Variants in FASTK observed in about 807,000 individuals in gnomAD.
FASTK encodes Fas activated serine/threonine kinase, also known as fas-activated serine/threonine kinase.
In FASTK, 28 loss-of-function variants were observed where a neutral mutation model predicts 60.0. The observed-to-expected ratio is 0.47, with a 90% CI of 0.35 to 0.64. The LOEUF (loss-of-function observed/expected upper bound fraction) is 0.64. FASTK is among the 30% of genes least tolerant of loss of function. FASTK has a pLI of 0.01. For missense variants in FASTK, 595 were observed against 713.8 expected (o/e 0.83, Z 1.90); for synonymous variants, 325 against 307.9 (o/e 1.06, Z -0.58).
chr7:151,077,175 G>A lies in FASTK; in HGVS notation c.1353C>T (p.Phe451=). The A allele has an allele frequency of 6.2e-7, 1 of 1,613,364 alleles. No individual in the cohort carries two copies. The highest frequency in any genetic ancestry group is 8.5e-7 in the Non-Finnish European group (1 of 1,179,784). Residue 451 remains phenylalanine (F), a synonymous_variant, in exon 8 of 10, where the codon TTC becomes TTT. Coordinates refer to ENST00000297532, the MANE Select transcript of FASTK (RefSeq NM_006712.5). The stretch of plus-strand genomic sequence containing the variant: ...GGCAGGACCTTGGTGGGTATGGCAG[G>A]AAGGGGTCCTGGGTCCTCACGGGAA... ...AVLPVRTQDP[F]LPYPPRSCPQ...
At chr7:151,079,063 G>A in intron 2 of FASTK, 42 bp from the exon 3 acceptor site, 1 of 1,405,074 alleles carries the variant, frequency 7.1e-7, no homozygotes, top group Non-Finnish European at 9.3e-7. Context: ...ACAGAGCTGT[G>A]CTGCTGTTCT....
chr7:151,080,557 G>A (rs1311572221), intron 1 of FASTK, 128 bp downstream of exon 1: 5 of 1,312,112 alleles, frequency 3.8e-6, no homozygotes, highest in African/African-American at 1.5e-5. Context: ...TTGCGATGGC[G>A]CGGAGTCGGC....
intron 2 of FASTK, 64 bp from the exon 3 acceptor site, chr7:151,079,085 T>C (rs1472293353): frequency 2.2e-6 from 3 of 1,360,014 alleles, no homozygotes; most frequent in Non-Finnish European, 2.9e-6. Context: ...ATCATGGGGT[T>C]ACTTGGTGAA....
chr7:151,079,840 G>A lies in FASTK; in HGVS notation c.165C>T (p.Ile55=), dbSNP rs751262438. ...CCAAACAGCAGGGCTGTACTGGAGGGATCAGCAGCAGGCCAGACAGCCGAG... is the reference window on the plus strand; with the variant it reads ...CCAAACAGCAGGGCTGTACTGGAGGAATCAGCAGCAGGCCAGACAGCCGAG... ...SPARLSGLLL[I]PPVQPCCLGP... The change falls in exon 2 of 10, where the codon ATC becomes ATT. Residue 55 remains isoleucine, a synonymous_variant. Coordinates refer to ENST00000297532, the MANE Select transcript of FASTK (RefSeq NM_006712.5). 128 of 1,603,268 alleles carry A rather than the reference G, an allele frequency of 8.0e-5. No individual in the cohort carries two copies. The highest frequency in any genetic ancestry group is 1.0e-4 in the Non-Finnish European group (122 of 1,175,152).
At chr7:151,078,431 G>A in intron 4 of FASTK, 131 bp downstream of exon 4, 1 of 1,010,960 alleles carries the variant, frequency 9.9e-7, no homozygotes, top group Non-Finnish European at 1.4e-6. Flanking sequence ...GTGTAGAAAA[G>A]ATGCAGGTCC....
At position 151,077,890 on chromosome 7, in the gene FASTK, T is replaced by C. The variant is rs752013081; in HGVS notation, c.1028A>G (p.Asn343Ser). 5 of 1,613,296 alleles carry C rather than the reference T, an allele frequency of 3.1e-6. No individual in the cohort carries two copies. The highest frequency in any genetic ancestry group is 2.2e-5 in the East Asian group (1 of 44,870). Residue 343 changes from asparagine (N) to serine (S), a missense_variant, in exon 5 of 10, where the codon AAC becomes AGC. By Grantham distance (46) the Asn-to-Ser change is conservative. This residue lies in a region of FASTK where 471 missense variants were observed against 605.9 expected (regional missense o/e 0.78). Coordinates refer to ENST00000297532, the MANE Select transcript of FASTK (RefSeq NM_006712.5). ...TCCTGGCTGCGTACCACTGATGTAGTTGATGAAGCCAGGGGAAAAAACAAA... is the reference window on the plus strand; with the variant it reads ...TCCTGGCTGCGTACCACTGATGTAGCTGATGAAGCCAGGGGAAAAAACAAA... ...LHFVFSPGFI[N>S]YISGTPHALI...
intron 3 of FASTK, 39 bp downstream of exon 3, chr7:151,078,803 C>T (rs1797814636): frequency 6.2e-7 from 1 of 1,606,938 alleles, no homozygotes; most frequent in Non-Finnish European, 8.5e-7. Context: ...CTCCTGTCAG[C>T]CCTCCCCACC....
Position 151,077,188 on chromosome 7 carries a change from G to C in FASTK, c.1340C>G (p.Thr447Ser). 1 of 1,613,130 alleles carries C rather than the reference G, an allele frequency of 6.2e-7. No homozygotes were observed. The highest frequency in any genetic ancestry group is 8.5e-7 in the Non-Finnish European group (1 of 1,179,732). The stretch of plus-strand genomic sequence containing the variant: ...TGGGTATGGCAGGAAGGGGTCCTGG[G>C]TCCTCACGGGAAGCACAGCACCAGA... ...SSSGAVLPVR[T>S]QDPFLPYPPR... Residue 447 changes from threonine (T) to serine (S), a missense_variant, in exon 8 of 10, where the codon ACC (threonine) becomes AGC (serine). Thr to Ser is a moderately conservative substitution (Grantham distance 58, BLOSUM62 1). This residue lies in a region of FASTK where 471 missense variants were observed against 605.9 expected (regional missense o/e 0.78). Transcript: ENST00000297532.
chr7:151,078,516 C>T (rs376339244), intron 4 of FASTK, 46 bp downstream of exon 4: 282 of 1,601,974 alleles, frequency 1.8e-4, no homozygotes, highest in Non-Finnish European at 2.3e-4. Flanking sequence ...CTGACAAGGT[C>T]CCTGAGAATG....
intron 1 of FASTK, 185 bp downstream of exon 1, chr7:151,080,500 C>A: frequency 7.8e-7 from 1 of 1,287,652 alleles, no homozygotes; most frequent in Non-Finnish European, 9.8e-7. Context: ...GAAATGAAAA[C>A]GCAGCGCCCA....
rs752664576 is a variant in FASTK at position 151,079,466 on chromosome 7, G to GC, written c.505+33dup. On this transcript the variant is annotated intron_variant, in intron 2 of 9. Transcript: ENST00000297532. ...TCTCCCTATTCTTCATTAACACCTAGCCCCCCAGGCGCCCACCTCAAGCCC... is the reference window on the plus strand; with the variant it reads ...TCTCCCTATTCTTCATTAACACCTAGCCCCCCCAGGCGCCCACCTCAAGCCC... The GC allele has an allele frequency of 1.4e-5, 21 of 1,540,488 alleles. No individual in the cohort carries two copies. The African/African-American group carries it at 2.8e-4, about 20-fold the overall frequency.
At chr7:151,077,532 T>C in intron 6 of FASTK, 89 bp downstream of exon 6, 10 of 1,509,722 alleles carry the variant, frequency 6.6e-6, no homozygotes, top group Non-Finnish European at 9.0e-6. Flanking sequence ...CGAGAGCTCC[T>C]TAGCTTTGGC....
chr7:151,078,445 G>T, intron 4 of FASTK, 117 bp downstream of exon 4: 1 of 1,159,156 alleles, frequency 8.6e-7, no homozygotes, highest in South Asian at 1.4e-5. Flanking sequence ...CAGGTCCCAG[G>T]GGACAGAGAG....
At chr7:151,078,175 C>T in intron 4 of FASTK, 83 bp from the exon 5 acceptor site, 1 of 1,109,246 alleles carries the variant, frequency 9.0e-7, no homozygotes, top group Admixed American at 2.3e-5. Context: ...AGAGGCTTAG[C>T]CCTCAGGTTT....
In FASTK at chr7:151,080,380, G is replaced by A. The variant is rs979333328; in HGVS notation, c.82+305C>T. 1.2e-4 allele frequency: 118 copies of A among 949,330 alleles called. No homozygotes were observed. In the African/African-American group the frequency reaches 1.4e-3, roughly 11 times the overall value. The allele number at this position is 949,330 out of a possible 1,614,324, so 58.8% of individuals were successfully genotyped here. A position where few individuals can be genotyped will look rare whatever the true frequency, so the allele number is the denominator to read the frequency against. On this transcript the variant is annotated intron_variant, in intron 1 of 9. Coordinates refer to ENST00000297532, the MANE Select transcript of FASTK (RefSeq NM_006712.5). Reference sequence around the variant, plus strand: ...GGAGGCGGCGGCGGCACAGAGGGTGGAACGCGGGCTCCGCGGCTGGACGGT... The same window carrying A: ...GGAGGCGGCGGCGGCACAGAGGGTGAAACGCGGGCTCCGCGGCTGGACGGT...
Position 151,079,859 on chromosome 7 carries a change from A to G in FASTK, c.146T>C (p.Leu49Pro). ...LLSAQTSPARLSGLLLIPPVQ... is the reference protein window; with the variant it reads ...LLSAQTSPARPSGLLLIPPVQ... ...TGGAGGGATCAGCAGCAGGCCAGAC[A>G]GCCGAGCAGGGGAGGTCTGAGCAGA... Residue 49 changes from leucine to proline, a missense_variant, in exon 2 of 10, where the codon CTG becomes CCG. Transcript: ENST00000297532. The G allele has an allele frequency of 6.2e-7, 1 of 1,605,380 alleles. No homozygotes were observed. Among genetic ancestry groups the G allele is most frequent in the South Asian group, 1.1e-5 (1 of 89,456 alleles).
Position 151,077,249 on chromosome 7 carries a change from A to T in FASTK, c.1292-13T>A. On this transcript the variant is annotated splice_polypyrimidine_tract_variant and intron_variant, in intron 7 of 9. Coordinates refer to ENST00000297532, the MANE Select transcript of FASTK (RefSeq NM_006712.5). ...CACAGCAGGAAGTCTGGAGGGGAGC[A>T]GGGCCGGCGGCCTTAGCCAGGGCTC... The T allele has an allele frequency of 6.2e-7, 1 of 1,612,220 alleles. No individual in the cohort carries two copies. The highest frequency in any genetic ancestry group is 8.5e-7 in the Non-Finnish European group (1 of 1,179,318).
In FASTK at chr7:151,079,929, G is replaced by C. The variant is rs747260290; in HGVS notation, c.83-7C>G. 1 of 1,567,252 alleles carries C rather than the reference G, an allele frequency of 6.4e-7. No individual in the cohort carries two copies. The highest frequency in any genetic ancestry group is 8.7e-7 in the Non-Finnish European group (1 of 1,151,048). On this transcript the variant is annotated splice_polypyrimidine_tract_variant and splice_region_variant and intron_variant, in intron 1 of 9. Coordinates refer to ENST00000297532, the MANE Select transcript of FASTK (RefSeq NM_006712.5). ...GAGTTGGGTGATGGAGACCCTGAGG[G>C]GCAGCCCAAAAAAGGGGGTGAGGTT...
In FASTK at chr7:151,077,926, C is replaced by G; in HGVS notation, c.992G>C (p.Arg331Thr). 6.2e-7 allele frequency: 1 copy of G among 1,613,950 alleles called. No homozygotes were observed. The highest frequency in any genetic ancestry group is 8.5e-7 in the Non-Finnish European group (1 of 1,179,984). ...SLCQLRCLPF[R>T]ALHFVFSPGF... Reference sequence around the variant, plus strand: ...AGGGGAAAAAACAAAGTGCAGGGCTCTGAAGGGCAGGCACCGCAGTTGGCA... The same window carrying G: ...AGGGGAAAAAACAAAGTGCAGGGCTGTGAAGGGCAGGCACCGCAGTTGGCA... The change falls in exon 5 of 10, where the codon AGA (arginine) becomes ACA (threonine). Residue 331 changes from arginine (R) to threonine (T), a missense_variant. Physicochemically the swap from Arg to Thr is moderately conservative, Grantham distance 71. Around this residue, in one of 2 missense-constraint regions of FASTK, gnomAD observed 471 missense variants for 605.9 expected, o/e 0.78. Transcript: ENST00000297532.
Sources: gnomAD v4.1 joint callset for allele counts on GRCh38, gnomAD v4.1.1 for gene constraint, gnomAD v4.1.1 regional missense constraint, MANE v1.5 for transcripts, NCBI Gene and HGNC (gene_info 2026-07-23, HGNC 2026-07-21) for gene names.